The following SLC25A40 variants were observed in gnomAD, a reference collection of about 807,000 sequenced individuals.
The protein encoded by SLC25A40 is mitochondrial glutathione transporter SLC25A40.
In SLC25A40, 41 loss-of-function variants were observed where a neutral mutation model predicts 46.5. The observed-to-expected ratio is 0.88, with a 90% CI of 0.69 to 1.14. The LOEUF is 1.14. Ranked by LOEUF, SLC25A40 falls within the 50% of genes most tolerant of loss-of-function variation. SLC25A40 has a pLI of 0.00. For synonymous variants in SLC25A40, 126 were observed against 127.5 expected (o/e 0.99, Z 0.08); for missense variants, 386 against 393.6 (o/e 0.98, Z 0.16).
At chr7:87,866,992 C>A (rs72510317) in intron 1 of SLC25A40, among the ~76,000 whole-genome samples, 1 of 150,506 alleles carries the variant, frequency 6.6e-6, no homozygotes, top group Non-Finnish European at 1.5e-5. Context: ...GCCTTTTAAG[C>A]GCTTATTCTG....
intron 6 of SLC25A40, among the ~76,000 whole-genome samples, chr7:87,849,413 G>T (rs141874243): frequency 6.6e-6 from 1 of 152,118 alleles, no homozygotes; most frequent in Admixed American, 6.5e-5. Flanking sequence ...CCTTCTGTGG[G>T]TTTGAAGTTT....
At chr7:87,875,014 A>G (rs1161648398) in intron 1 of SLC25A40, among the ~76,000 whole-genome samples, 1 of 152,152 alleles carries the variant, frequency 6.6e-6, no homozygotes, top group Non-Finnish European at 1.5e-5. Context: ...TGCTCTCTGT[A>G]GCTTATATTT....
At chr7:87,843,919 A>G in intron 8 of SLC25A40, 56 bp from the exon 9 acceptor site, 2 of 1,473,616 alleles carry the variant, frequency 1.4e-6, no homozygotes, top group Non-Finnish European at 1.8e-6. Flanking sequence ...GTGGACTTTA[A>G]TAAAAGAGTT....
chr7:87,873,076 T>C (rs949372925), intron 1 of SLC25A40, among the ~76,000 whole-genome samples: 1 of 151,968 alleles, frequency 6.6e-6, no homozygotes, highest in African/African-American at 2.4e-5. Context: ...TAAAAATAGA[T>C]CAGAACACAT....
intron 2 of SLC25A40, among the ~76,000 whole-genome samples, chr7:87,859,270 T>C (rs113543317): frequency 6.6e-6 from 1 of 151,828 alleles, no homozygotes; most frequent in Non-Finnish European, 1.5e-5. Flanking sequence ...CTGGCTAACA[T>C]GGTGAAATCC....
intron 5 of SLC25A40, among the ~76,000 whole-genome samples, chr7:87,852,151 A>G (rs1838522710): frequency 6.6e-6 from 1 of 152,232 alleles, no homozygotes; most frequent in Admixed American, 6.5e-5. Context: ...TACCCTCCAA[A>G]TTAACATACA....
At position 87,847,905 on chromosome 7, in the gene SLC25A40, C is replaced by G; in HGVS notation, c.405G>C (p.Lys135Asn). The G allele has an allele frequency of 6.2e-7, 1 of 1,611,956 alleles. No homozygotes were observed. Among genetic ancestry groups the G allele is most frequent in the Non-Finnish European group, 8.5e-7 (1 of 1,179,154 alleles). Reference sequence around the variant, plus strand: ...GTATGCAGGTTTCATTTTCTCCTAACTTAGATCTCAGAAGAGCACTTAATT... The same window carrying G: ...GTATGCAGGTTTCATTTTCTCCTAAGTTAGATCTCAGAAGAGCACTTAATT... ...YDQLSALLRS[K>N]LGENETCIPI... The change falls in exon 7 of 12, where the codon AAG becomes AAC. Residue 135 changes from lysine (K) to asparagine (N), a missense_variant. Coordinates refer to ENST00000341119, the MANE Select transcript of SLC25A40 (RefSeq NM_018843.4).
intron 1 of SLC25A40, among the ~76,000 whole-genome samples, chr7:87,867,602 A>G (rs1434765197): frequency 6.6e-6 from 1 of 151,958 alleles, no homozygotes; most frequent in Non-Finnish European, 1.5e-5. Flanking sequence ...GAGTTTTGCT[A>G]TGTCTTTTTG....
intron 9 of SLC25A40, among the ~76,000 whole-genome samples, chr7:87,843,439 C>G (rs1051493867): frequency 1.3e-5 from 2 of 151,982 alleles, no homozygotes; most frequent in Admixed American, 6.6e-5. Flanking sequence ...ATTACCTAAT[C>G]AGAGCATTTA....
intron 5 of SLC25A40, among the ~76,000 whole-genome samples, chr7:87,851,197 G>T (rs561338587): frequency 6.6e-6 from 1 of 152,218 alleles, no homozygotes; most frequent in Non-Finnish European, 1.5e-5. Context: ...ATCAAATGAT[G>T]AATGAATAAA....
chr7:87,838,698 A>G (rs17149946), intron 10 of SLC25A40, among the ~76,000 whole-genome samples: 7,298 of 151,254 alleles, frequency 0.048, 260 homozygotes, highest in East Asian at 0.092. Context: ...CATTTGTTTA[A>G]TGTTTACCTC....
rs1345501558 is a variant in SLC25A40 at position 87,854,265 on chromosome 7, A to T, written c.203T>A (p.Val68Asp). 6.2e-7 allele frequency: 1 copy of T among 1,613,504 alleles called. No homozygotes were observed. The highest frequency in any genetic ancestry group is 1.1e-5 in the South Asian group (1 of 91,054). ...YSNGLMDHLC[V>D]CEEGGNKLWY... ...TAGTTTGTTGCCTCCCTCTTCACAG[A>T]CACATAGATGATCCATGAGTCCATT... The change falls in exon 5 of 12, where the codon GTC becomes GAC. Residue 68 changes from valine (V) to aspartate (D), a missense_variant. Coordinates refer to ENST00000341119, the MANE Select transcript of SLC25A40 (RefSeq NM_018843.4).
intron 10 of SLC25A40, among the ~76,000 whole-genome samples, chr7:87,840,055 C>CT (rs1488921817): frequency 6.6e-6 from 1 of 151,578 alleles, no homozygotes; most frequent in East Asian, 1.9e-4. Context: ...CTTAGTAAAC[C>CT]TTTAAGTAAC....
intron 1 of SLC25A40, among the ~76,000 whole-genome samples, chr7:87,874,898 T>C (rs1333249519): frequency 6.6e-6 from 1 of 152,256 alleles, no homozygotes; most frequent in Non-Finnish European, 1.5e-5. Flanking sequence ...AATTCTCTTA[T>C]TTCACATGCT....
At chr7:87,844,980 G>A (rs1053529424) in intron 8 of SLC25A40, among the ~76,000 whole-genome samples, 1 of 152,060 alleles carries the variant, frequency 6.6e-6, no homozygotes, top group African/African-American at 2.4e-5. Context: ...CAAGCATGGT[G>A]GCACACGGCT....
intron 10 of SLC25A40, among the ~76,000 whole-genome samples, chr7:87,840,148 T>A (rs1375817434): frequency 1.3e-5 from 2 of 151,740 alleles, no homozygotes; most frequent in African/African-American, 4.8e-5. Flanking sequence ...TTATTTAAGA[T>A]TTTTCCTTTT....
In SLC25A40 at chr7:87,867,449, A is replaced by G. The variant is rs374399768; in HGVS notation, c.-93-6809T>C. On this transcript the variant is annotated intron_variant, in intron 1 of 11. Coordinates refer to ENST00000341119, the MANE Select transcript of SLC25A40 (RefSeq NM_018843.4). ...GTTCCAGATTTCATTTTTAAAAACA[A>G]TTTCAATCTGTTTAATTTCTTTGAT... 6.6e-5 allele frequency among the ~76,000 whole-genome samples: 10 copies of G among 152,280 alleles called. No homozygotes were observed. The South Asian group carries it at 2.1e-3, about 32-fold the overall frequency.
chr7:87,849,515 A>G (rs1173586411), intron 6 of SLC25A40, among the ~76,000 whole-genome samples: 1 of 152,208 alleles, frequency 6.6e-6, no homozygotes, highest in Non-Finnish European at 1.5e-5. Flanking sequence ...GGGTTTCCCA[A>G]GGCAGAAGCA....
chr7:87,874,126 T>A (rs1838937393), intron 1 of SLC25A40, among the ~76,000 whole-genome samples: 1 of 152,200 alleles, frequency 6.6e-6, no homozygotes, highest in Admixed American at 6.5e-5. Context: ...AAAACTAACC[T>A]TGGATAATAG....
Sources: allele counts gnomAD v4.1 joint callset (sites outside exome capture counted in the v4.1 genomes callset), GRCh38; gene constraint gnomAD v4.1.1; transcripts MANE v1.5; gene names NCBI Gene and HGNC (gene_info 2026-07-23, HGNC 2026-07-21).